Variants in TEX11 observed in about 807,000 individuals in gnomAD.
The protein encoded by TEX11 is testis expressed 11.
TEX11 carries 7 observed loss-of-function variants against 84.4 expected under a neutral mutation model. That is an observed-to-expected ratio of 0.08 (90% CI 0.05 to 0.16). The LOEUF is 0.16. TEX11 is among the 10% of genes least tolerant of loss of function. The probability of loss-of-function intolerance (pLI) is 1.00; values close to 1 mark genes in which losing one functional copy is unlikely to be tolerated. For missense variants in TEX11, 551 were observed against 660.5 expected (o/e 0.83, Z 1.82); for synonymous variants, 264 against 222.8 (o/e 1.18, Z -1.64).
chrX:70,740,268 G>C (rs770277961), intron 11 of TEX11, among the ~76,000 whole-genome samples: 2 of 111,351 alleles, frequency 1.8e-5, no homozygotes, highest in East Asian at 2.8e-4. Context: ...CAAGGTGCTC[G>C]CAGATTCGGT....
chrX:70,879,553 T>C (rs2091672367), intron 3 of TEX11, among the ~76,000 whole-genome samples: 1 of 110,905 alleles, frequency 9.0e-6, no homozygotes, highest in Admixed American at 9.7e-5. Context: ...AAAGCACTTC[T>C]GAAGGCTTAT....
At chrX:70,567,037 G>A (rs1459518623) in intron 25 of TEX11, among the ~76,000 whole-genome samples, 15 of 111,133 alleles carry the variant, frequency 1.3e-4, no homozygotes, top group African/African-American at 3.9e-4. Context: ...CTGGTCCTGG[G>A]CTCTTTTTGG....
chrX:70,610,233 A>G (rs1490534982), intron 21 of TEX11, among the ~76,000 whole-genome samples: 1 of 60,011 alleles, frequency 1.7e-5, no homozygotes, highest in Non-Finnish European at 3.0e-5. Context: ...GGAGGGAGGG[A>G]CGGGAGGGAG....
At chrX:70,542,941 G>A (rs1371995788) in intron 28 of TEX11, among the ~76,000 whole-genome samples, 2 of 112,064 alleles carry the variant, frequency 1.8e-5, no homozygotes, top group Non-Finnish European at 3.8e-5. Context: ...CAGCACTTTG[G>A]GAGGCCGAGG....
intron 10 of TEX11, 27 bp downstream of exon 10, chrX:70,744,138 T>C (rs1347367484): frequency 2.0e-6 from 2 of 978,384 alleles, no homozygotes; most frequent in Non-Finnish European, 1.3e-6. Flanking sequence ...TTCAACCTAT[T>C]TCTACAATAT....
chrX:70,661,419 T>C (rs1474134216), intron 16 of TEX11, among the ~76,000 whole-genome samples: 2 of 112,576 alleles, frequency 1.8e-5, no homozygotes, highest in African/African-American at 6.4e-5. Context: ...CAAGGAGGCC[T>C]GCCTGCCTCT....
chrX:70,515,108 C>T, the TEX11 span, among the ~76,000 whole-genome samples: 1 of 107,990 alleles, frequency 9.3e-6, no homozygotes, highest in Admixed American at 9.9e-5. Context: ...GAAAGAAGGA[C>T]ATTTAGAAAT....
intron 18 of TEX11, 123 bp downstream of exon 18, chrX:70,629,488 T>C: frequency 1.2e-6 from 1 of 825,094 alleles, no homozygotes; most frequent in Non-Finnish European, 1.7e-6. Flanking sequence ...AAGTTTGGCA[T>C]GAAAATATGA....
chrX:70,646,886 TA>T (rs1345150450), intron 17 of TEX11, among the ~76,000 whole-genome samples: 4 of 111,371 alleles, frequency 3.6e-5, no homozygotes, highest in Non-Finnish European at 5.7e-5. Context: ...TAGTAGAATA[TA>T]AAAAAGAAGT....
intron 9 of TEX11, among the ~76,000 whole-genome samples, chrX:70,745,122 C>T (rs73542992): frequency 0.018 from 1,958 of 110,206 alleles, 41 homozygotes; most frequent in African/African-American, 0.061. Flanking sequence ...CTCCATTTTG[C>T]GGCTGACTAA....
chrX:70,599,387 G>C (rs912023133), intron 24 of TEX11, among the ~76,000 whole-genome samples: 13 of 111,447 alleles, frequency 1.2e-4, no homozygotes, highest in Admixed American at 8.5e-4. Flanking sequence ...TACTCAGAAG[G>C]GTAGAGGCAA....
chrX:70,846,780 C>T (rs762337499), intron 7 of TEX11, among the ~76,000 whole-genome samples: 3 of 111,226 alleles, frequency 2.7e-5, no homozygotes, highest in South Asian at 3.8e-4. Flanking sequence ...AAAAATTAGC[C>T]GGGCGTGGTG....
chrX:70,822,901 T>C (rs754736242), intron 8 of TEX11, among the ~76,000 whole-genome samples: 3 of 110,544 alleles, frequency 2.7e-5, no homozygotes, highest in African/African-American at 6.6e-5. Context: ...CTCATTACCA[T>C]GAGGACTGCA....
chrX:70,744,182 T>A lies in TEX11; in HGVS notation c.730A>T (p.Thr244Ser), dbSNP rs376793868. 2 of 1,050,177 alleles carry A rather than the reference T, an allele frequency of 1.9e-6. No homozygotes were observed. The highest frequency in any genetic ancestry group is 3.9e-5 in the African/African-American group (2 of 51,238). The allele number at this position is 1,050,177 out of a possible 1,213,427, so 86.5% of individuals were successfully genotyped here. Reference protein sequence around the residue: ...YDIGKMDKKSTGPEMLAKVLR... With the variant: ...YDIGKMDKKSSGPEMLAKVLR... ...ATCCTTACCAGCATTTCTGGCCCAG[T>A]AGATTTCTTATCCATCTTCCCAATA... Residue 244 changes from threonine (T) to serine (S), a missense_variant, in exon 10 of 30, where the codon ACT becomes TCT. Thr to Ser is a moderately conservative substitution (Grantham distance 58, BLOSUM62 1). Transcript: ENST00000374333.
intron 15 of TEX11, among the ~76,000 whole-genome samples, chrX:70,672,223 T>C (rs911321730): frequency 9.9e-5 from 11 of 111,018 alleles, no homozygotes; most frequent in Non-Finnish European, 2.1e-4. Flanking sequence ...AGTATTTCAT[T>C]GAAGGACATA....
intron 3 of TEX11, among the ~76,000 whole-genome samples, chrX:70,875,736 C>T (rs1042425028): frequency 6.4e-5 from 7 of 110,034 alleles, no homozygotes; most frequent in Admixed American, 4.9e-4. Flanking sequence ...GGCGACAGAG[C>T]GAGACTCTGC....
intron 28 of TEX11, among the ~76,000 whole-genome samples, chrX:70,551,384 G>T (rs958568089): frequency 2.7e-5 from 3 of 110,941 alleles, no homozygotes; most frequent in African/African-American, 9.8e-5. Flanking sequence ...AAAACTAAAA[G>T]TATAATTGAA....
At chrX:70,655,877 A>G (rs1198212433) in intron 16 of TEX11, among the ~76,000 whole-genome samples, 1 of 111,470 alleles carries the variant, frequency 9.0e-6, no homozygotes, top group Non-Finnish European at 1.9e-5. Context: ...AAAAACCCTA[A>G]AGCAAACATC....
At chrX:70,738,501 G>T (rs2090712295) in intron 11 of TEX11, among the ~76,000 whole-genome samples, 2 of 112,158 alleles carry the variant, frequency 1.8e-5, no homozygotes, top group East Asian at 2.8e-4. Context: ...ACTTTTGGTG[G>T]TAGTGTAAAT....
Sources: allele counts gnomAD v4.1 joint callset (sites outside exome capture counted in the v4.1 genomes callset), GRCh38; gene constraint gnomAD v4.1.1; transcripts MANE v1.5; gene names NCBI Gene and HGNC (gene_info 2026-07-23, HGNC 2026-07-21).